The following EXOC6B variants were observed in gnomAD, a reference collection of about 807,000 sequenced individuals.
The protein encoded by EXOC6B is exocyst complex component 6B.
A neutral mutation model predicts 113.5 loss-of-function variants in EXOC6B; 54 were observed. The ratio of observed to expected loss-of-function variants is 0.48; its 90% confidence interval spans 0.38 to 0.60. The LOEUF (loss-of-function observed/expected upper bound fraction) is 0.60. Ranked by LOEUF, EXOC6B falls within the 20% of genes least tolerant of loss-of-function variation. EXOC6B has a pLI of 0.00. For missense variants in EXOC6B, 797 were observed against 977.5 expected, an observed-to-expected ratio of 0.82 and a Z score of 2.46; for synonymous variants, 357 against 339.0, an observed-to-expected ratio of 1.05 and a Z score of -0.58.
At chr2:72,420,735 C>A (rs1194967026) in intron 18 of EXOC6B, among the ~76,000 whole-genome samples, 5 of 152,136 alleles carry the variant, frequency 3.3e-5, no homozygotes, top group Non-Finnish European at 5.9e-5. Flanking sequence ...GATTTATAAT[C>A]CTTTGGGTAT....
chr2:72,291,032 G>T (rs945697210), intron 20 of EXOC6B, among the ~76,000 whole-genome samples: 1 of 152,076 alleles, frequency 6.6e-6, no homozygotes, highest in African/African-American at 2.4e-5. Context: ...TTCCAGAGAG[G>T]GCTGATAATG....
chr2:72,535,716 C>A (rs1406901045), intron 8 of EXOC6B, among the ~76,000 whole-genome samples: 1 of 151,662 alleles, frequency 6.6e-6, no homozygotes, highest in East Asian at 1.9e-4. Context: ...TCTACTTATA[C>A]AAAATTGGCC....
At chr2:72,771,572 G>A (rs1166308274) in intron 1 of EXOC6B, among the ~76,000 whole-genome samples, 1 of 152,184 alleles carries the variant, frequency 6.6e-6, no homozygotes, top group African/African-American at 2.4e-5. Flanking sequence ...CTACTGGAAA[G>A]TATCCAGTCT....
chr2:72,513,075 A>G, intron 11 of EXOC6B, 57 bp downstream of exon 11: 1 of 1,591,348 alleles, frequency 6.3e-7, no homozygotes, highest in East Asian at 2.2e-5. Flanking sequence ...GCAGTAAAAC[A>G]CTGAATATAT....
rs888223227 is a variant in EXOC6B, at chr2:72,677,785, T to A, written c.669+40318A>T. On this transcript the variant is annotated intron_variant, in intron 6 of 21. Transcript: ENST00000272427. ...CTCAACAGTGCCTAACATGAAGACA[T>A]GTAGAAAATCCAAGCACATTTAGAA... Among the ~76,000 whole-genome samples, 38 of 152,330 alleles carry A rather than the reference T, an allele frequency of 2.5e-4. 1 individual carries two copies. The highest frequency in any genetic ancestry group is 6.8e-3 in the Middle Eastern group (2 of 294).
Position 72,653,973 on chromosome 2 carries a change from T to A in EXOC6B, c.669+64130A>T, listed in dbSNP as rs1196364152. The stretch of plus-strand genomic sequence containing the variant: ...TACAATGTCATGAATTTTATTTATT[T>A]TTTTTTTTTTTTTTGAGACGGAGTC... On this transcript the variant is annotated intron_variant, in intron 6 of 21. Coordinates refer to ENST00000272427, the MANE Select transcript of EXOC6B (RefSeq NM_015189.3). 8.6e-4 allele frequency among the ~76,000 whole-genome samples: 27 copies of A among 31,226 alleles called. 2 individuals carry two copies. The highest frequency in any genetic ancestry group is 0.083 in the East Asian group (1 of 12). The allele number at this position is 31,226 out of a possible 152,430, so 20.5% of individuals were successfully genotyped here.
chr2:72,417,973 T>A (rs1487504957), intron 18 of EXOC6B, among the ~76,000 whole-genome samples: 1 of 152,120 alleles, frequency 6.6e-6, no homozygotes, highest in African/African-American at 2.4e-5. Flanking sequence ...TGCTTAAAAT[T>A]TATTTTACTA....
intron 1 of EXOC6B, among the ~76,000 whole-genome samples, chr2:72,812,683 C>G (rs1685987402): frequency 8.4e-6 from 1 of 119,490 alleles, no homozygotes; most frequent in African/African-American, 2.5e-5. Flanking sequence ...GGGGGAGACC[C>G]CCATCTCTAA....
At chr2:72,192,549 T>C (rs576587895) in intron 20 of EXOC6B, among the ~76,000 whole-genome samples, 1 of 152,196 alleles carries the variant, frequency 6.6e-6, no homozygotes, top group East Asian at 1.9e-4. Flanking sequence ...GTGGGCTGGG[T>C]CTTAGTAGGC....
chr2:72,730,323 T>C (rs1432388593), intron 5 of EXOC6B, among the ~76,000 whole-genome samples: 1 of 152,158 alleles, frequency 6.6e-6, no homozygotes, highest in Non-Finnish European at 1.5e-5. Context: ...TGAGTAAAGA[T>C]GATTACCCTC....
Position 72,653,637 on chromosome 2 carries a change from G to A in EXOC6B, c.669+64466C>T, listed in dbSNP as rs558688866. Among the ~76,000 whole-genome samples the A allele has an allele frequency of 6.3e-5, 9 of 142,318 alleles. No individual in the cohort carries two copies. In the South Asian group the frequency reaches 8.4e-4, roughly 13 times the overall value. 93.4% of individuals were successfully genotyped at this position (142,318 alleles called of 152,430 possible). The stretch of plus-strand genomic sequence containing the variant: ...AGAAAGAAAGAAAGAAAATACTGAC[G>A]AGTTGAAAGAGATCTAAAAATCACT... On this transcript the variant is annotated intron_variant, in intron 6 of 21. Transcript: ENST00000272427.
At chr2:72,492,947 T>G (rs1386604721) in intron 15 of EXOC6B, among the ~76,000 whole-genome samples, 1 of 152,162 alleles carries the variant, frequency 6.6e-6, no homozygotes, top group Non-Finnish European at 1.5e-5. Flanking sequence ...ATTATTTTTT[T>G]GAATACTCTC....
chr2:72,314,779 A>G (rs1411930571), intron 20 of EXOC6B, among the ~76,000 whole-genome samples: 4 of 152,212 alleles, frequency 2.6e-5, no homozygotes, highest in East Asian at 1.9e-4. Context: ...ATTCATGCCT[A>G]AAGTTTATTA....
At chr2:72,311,196 G>A (rs1048100300) in intron 20 of EXOC6B, among the ~76,000 whole-genome samples, 7 of 152,212 alleles carry the variant, frequency 4.6e-5, no homozygotes, top group African/African-American at 1.7e-4. Flanking sequence ...TAGTTCTGCA[G>A]GTTAGAAGTA....
chr2:72,244,356 A>T lies in EXOC6B; in HGVS notation c.2197-60169T>A, dbSNP rs572647115. The stretch of plus-strand genomic sequence containing the variant: ...GGAATTAAATAATATGTTTAACTAA[A>T]TAAAAATGAAAATACAACTCATTAA... On this transcript the variant is annotated intron_variant, in intron 20 of 21. Coordinates refer to ENST00000272427, the MANE Select transcript of EXOC6B (RefSeq NM_015189.3). 1.1e-4 allele frequency among the ~76,000 whole-genome samples: 16 copies of T among 152,316 alleles called. No homozygotes were observed. In the South Asian group the frequency reaches 3.3e-3, roughly 32 times the overall value.
chr2:72,485,706 G>A (rs539399260), intron 16 of EXOC6B, among the ~76,000 whole-genome samples: 28 of 152,310 alleles, frequency 1.8e-4, no homozygotes, highest in African/African-American at 6.3e-4. Context: ...TATCACTTCT[G>A]TTAACAAGAG....
intron 7 of EXOC6B, among the ~76,000 whole-genome samples, chr2:72,573,717 A>G (rs1704649334): frequency 1.3e-5 from 2 of 152,220 alleles, no homozygotes; most frequent in African/African-American, 4.8e-5. Context: ...CATTTACATA[A>G]TAAACATATC....
chr2:72,514,940 A>AAC, intron 9 of EXOC6B, 103 bp downstream of exon 9: 4 of 1,019,628 alleles, frequency 3.9e-6, no homozygotes, highest in Non-Finnish European at 5.5e-6. Flanking sequence ...AATGACAGTA[A>AAC]ACACACACAC....
chr2:72,440,234 G>A (rs1241637710), intron 18 of EXOC6B, among the ~76,000 whole-genome samples: 1 of 152,064 alleles, frequency 6.6e-6, no homozygotes, highest in Non-Finnish European at 1.5e-5. Context: ...CCATTTCTGT[G>A]CCCAGTTGGC....
Sources: gnomAD v4.1 joint callset for allele counts (sites outside exome capture counted in the v4.1 genomes callset) on GRCh38, gnomAD v4.1.1 for gene constraint, MANE v1.5 for transcripts, NCBI Gene and HGNC (gene_info 2026-07-23, HGNC 2026-07-21) for gene names.